Variants in NAA35 observed in about 807,000 individuals in gnomAD.
NAA35 encodes the protein N-alpha-acetyltransferase 35, NatC auxiliary subunit.
A neutral mutation model predicts 101.7 loss-of-function variants in NAA35; 18 were observed. That is an observed-to-expected ratio of 0.18 (90% confidence interval 0.12 to 0.26). NAA35 has a LOEUF of 0.26. NAA35 is among the 10% of genes least tolerant of loss of function. The probability of loss-of-function intolerance (pLI) is 1.00; values close to 1 mark genes in which losing one functional copy is unlikely to be tolerated. For missense variants in NAA35, 601 were observed against 886.8 expected, an observed-to-expected ratio of 0.68 and a Z score of 4.09; for synonymous variants, 267 against 273.1, an observed-to-expected ratio of 0.98 and a Z score of 0.22.
chr9:86,005,342 C>T (rs1831586291), intron 13 of NAA35, among the ~76,000 whole-genome samples: 1 of 152,084 alleles, frequency 6.6e-6, no homozygotes, highest in Non-Finnish European at 1.5e-5. Context: ...CTTCCTAAAC[C>T]TGATAAAGGA....
chr9:86,013,054 T>G lies in NAA35; in HGVS notation c.1299T>G (p.Cys433Trp), dbSNP rs769593258. 1 of 1,560,292 alleles carries G rather than the reference T, an allele frequency of 6.4e-7. No homozygotes were observed. Among genetic ancestry groups the G allele is most frequent in the African/African-American group, 1.4e-5 (1 of 74,066 alleles). Residue 433 changes from cysteine (C) to tryptophan (W), a missense_variant, in exon 16 of 23, where the codon TGT becomes TGG. Physicochemically the swap from Cys to Trp is radical, Grantham distance 215. Around this residue, in one of 8 missense-constraint regions of NAA35, gnomAD observed 190 missense variants for 223.1 expected, o/e 0.85. Coordinates refer to ENST00000361671, the MANE Select transcript of NAA35 (RefSeq NM_024635.4). Reference protein sequence around the residue: ...SFVTHCVRPFCSLIQIHGHNR... With the variant: ...SFVTHCVRPFWSLIQIHGHNR... Reference sequence around the variant, plus strand: ...TTATATGTGTATTGCAGCCATTCTGTAGTCTTATTCAGATCCATGGACATA... The same window carrying G: ...TTATATGTGTATTGCAGCCATTCTGGAGTCTTATTCAGATCCATGGACATA...
chr9:86,002,675 A>G (rs1831467670), intron 12 of NAA35, among the ~76,000 whole-genome samples: 1 of 152,004 alleles, frequency 6.6e-6, no homozygotes, highest in Non-Finnish European at 1.5e-5. Flanking sequence ...TTGCATAGTG[A>G]AATTCTTGTA....
chr9:85,988,512 A>T (rs1476877654), intron 11 of NAA35, among the ~76,000 whole-genome samples: 1 of 152,196 alleles, frequency 6.6e-6, no homozygotes, highest in African/African-American at 2.4e-5. Context: ...CGTAAAGGAC[A>T]TGGAGGGCCG....
Position 85,962,656 on chromosome 9 carries a change from T to C in NAA35, c.516+476T>C, listed in dbSNP as rs557710323. ...TGTTGCCATTTACAGATATATTGGGTAAAGTAATTCAGTTCTCTCCAAGAA... is the reference window on the plus strand; with the variant it reads ...TGTTGCCATTTACAGATATATTGGGCAAAGTAATTCAGTTCTCTCCAAGAA... On this transcript the variant is annotated intron_variant, in intron 6 of 22. Coordinates refer to ENST00000361671, the MANE Select transcript of NAA35 (RefSeq NM_024635.4). Among the ~76,000 whole-genome samples the C allele has an allele frequency of 8.4e-4, 128 of 152,186 alleles. 3 individuals carry two copies. Among genetic ancestry groups the C allele is most frequent in the Non-Finnish European group, 3.5e-4 (24 of 68,036 alleles).
At chr9:85,972,078 GTTTATA>G (rs1412257578) in intron 6 of NAA35, among the ~76,000 whole-genome samples, 1 of 152,084 alleles carries the variant, frequency 6.6e-6, no homozygotes, top group Non-Finnish European at 1.5e-5. Flanking sequence ...TATTACTGAG[GTTTATA>G]TTCCCAGGAC....
At chr9:85,974,774 G>A (rs1010286003) in intron 6 of NAA35, among the ~76,000 whole-genome samples, 193 bp from the exon 7 acceptor site, 2 of 152,086 alleles carry the variant, frequency 1.3e-5, no homozygotes, top group Non-Finnish European at 2.9e-5. Flanking sequence ...TTTGAATATG[G>A]TGTTTTAAGT....
At chr9:85,948,110 A>G (rs1316190062) in intron 2 of NAA35, among the ~76,000 whole-genome samples, 4 of 152,028 alleles carry the variant, frequency 2.6e-5, no homozygotes, top group Non-Finnish European at 5.9e-5. Context: ...CTTTTATACT[A>G]CTTTTTGATT....
intron 14 of NAA35, 124 bp from the exon 15 acceptor site, chr9:86,009,741 A>G (rs1342616013): frequency 1.5e-6 from 1 of 662,238 alleles, no homozygotes; most frequent in Non-Finnish European, 2.7e-6. Context: ...AAATTCTTTA[A>G]CTTAGGTATC....
At chr9:86,010,824 G>A (rs904667354) in intron 15 of NAA35, among the ~76,000 whole-genome samples, 4 of 150,798 alleles carry the variant, frequency 2.7e-5, no homozygotes, top group African/African-American at 7.3e-5. Context: ...TGATCCACCC[G>A]CCTTGGCCTC....
Position 86,024,280 on chromosome 9 carries a change from TG to T in NAA35, c.*2321del, listed in dbSNP as rs757089736. 6.6e-6 allele frequency among the ~76,000 whole-genome samples: 1 copy of T among 152,092 alleles called. No individual in the cohort carries two copies. The highest frequency in any genetic ancestry group is 1.9e-4 in the East Asian group (1 of 5,188). ...GCTGGGAAAAGGGTCCCAGACAGAA[TG>T]TGCACAGGCTTGGAGGGGAGAGGGT... On this transcript the variant is annotated 3_prime_UTR_variant, in exon 23 of 23. Coordinates refer to ENST00000361671, the MANE Select transcript of NAA35 (RefSeq NM_024635.4).
intron 2 of NAA35, among the ~76,000 whole-genome samples, chr9:85,946,942 C>T (rs1828793378): frequency 6.6e-6 from 1 of 152,180 alleles, no homozygotes; most frequent in East Asian, 1.9e-4. Context: ...GATTCTTAAG[C>T]TTCTTGTTGC....
At chr9:85,956,425 G>A (rs771804720) in intron 3 of NAA35, 32 bp downstream of exon 3, 1 of 1,294,462 alleles carries the variant, frequency 7.7e-7, no homozygotes, top group East Asian at 2.7e-5. Flanking sequence ...ATAGTGTAGT[G>A]TAATGTTTCA....
At position 85,978,393 on chromosome 9, in the gene NAA35, A is replaced by T. The variant is rs200156742; in HGVS notation, c.877+12A>T. 3.3e-4 allele frequency: 491 copies of T among 1,507,940 alleles called. 4 individuals are homozygous for T. The South Asian group carries it at 5.3e-3, about 16-fold the overall frequency. The allele number at this position is 1,507,940 out of a possible 1,614,324, so 93.4% of individuals were successfully genotyped here. ...TACTACAAAAGGAGGTAATTGTTCAATTTGCTCCTACTCTTTCTTTTCTTC... is the reference window on the plus strand; with the variant it reads ...TACTACAAAAGGAGGTAATTGTTCATTTTGCTCCTACTCTTTCTTTTCTTC... On this transcript the variant is annotated intron_variant, in intron 11 of 22. Transcript: ENST00000361671.
chr9:86,002,188 AC>A (rs1011684367), intron 12 of NAA35, among the ~76,000 whole-genome samples: 10 of 151,820 alleles, frequency 6.6e-5, no homozygotes, highest in South Asian at 6.2e-4. Flanking sequence ...TGAATATAGG[AC>A]CCCAATTTCT....
chr9:86,002,952 TTCTCA>T (rs151097710), intron 12 of NAA35, among the ~76,000 whole-genome samples: 2,455 of 152,292 alleles, frequency 0.016, 62 homozygotes, highest in African/African-American at 0.054. Context: ...CCTAGGTTCT[TTCTCA>T]TCTCTGTGTG....
intron 16 of NAA35, among the ~76,000 whole-genome samples, chr9:86,013,351 G>T (rs899858872): frequency 2.6e-5 from 4 of 152,002 alleles, no homozygotes; most frequent in Non-Finnish European, 5.9e-5. Flanking sequence ...ATATTTCTTT[G>T]ATAATAGGAA....
At position 86,025,308 on chromosome 9, in the gene NAA35, C is replaced by T. The variant is rs547807488; in HGVS notation, c.*3348C>T. 2.6e-5 allele frequency among the ~76,000 whole-genome samples: 4 copies of T among 152,120 alleles called. No individual in the cohort carries two copies. Among genetic ancestry groups the T allele is most frequent in the African/African-American group, 7.2e-5 (3 of 41,498 alleles). On this transcript the variant is annotated 3_prime_UTR_variant, in exon 23 of 23. Coordinates refer to ENST00000361671, the MANE Select transcript of NAA35 (RefSeq NM_024635.4). Reference sequence around the variant, plus strand: ...AAGTAAAGATTGCTGGCGACTGGGGCGAGCTCTTTCTTGAAGGGGTGGGGC... The same window carrying T: ...AAGTAAAGATTGCTGGCGACTGGGGTGAGCTCTTTCTTGAAGGGGTGGGGC...
Position 85,965,694 on chromosome 9 carries a change from A to G in NAA35, c.516+3514A>G, listed in dbSNP as rs151193615. On this transcript the variant is annotated intron_variant, in intron 6 of 22. Coordinates refer to ENST00000361671, the MANE Select transcript of NAA35 (RefSeq NM_024635.4). The stretch of plus-strand genomic sequence containing the variant: ...AAAAAAAAATTGGAAAAAAAATGAG[A>G]TTGATTTATGTGTAGAGATAAGATT... 8.1e-4 allele frequency among the ~76,000 whole-genome samples: 123 copies of G among 152,226 alleles called. No individual in the cohort carries two copies. In the East Asian group the frequency reaches 0.019, roughly 24 times the overall value.
chr9:85,974,000 A>G (rs1027363958), intron 6 of NAA35, among the ~76,000 whole-genome samples: 18 of 152,066 alleles, frequency 1.2e-4, no homozygotes, highest in Admixed American at 5.9e-4. Context: ...TCTGTCGCCC[A>G]GGCTGGATTG....
Sources: gnomAD v4.1 joint callset for allele counts (sites outside exome capture counted in the v4.1 genomes callset) on GRCh38, gnomAD v4.1.1 for gene constraint, gnomAD v4.1.1 regional missense constraint, MANE v1.5 for transcripts, NCBI Gene and HGNC (gene_info 2026-07-23, HGNC 2026-07-21) for gene names.